Variants in GNAS observed in about 807,000 individuals in gnomAD.
GNAS encodes protein ALEX.
Under a neutral mutation model 54.5 loss-of-function variants are expected in GNAS, and 8 were observed. That is an observed-to-expected ratio of 0.15 (90% CI 0.09 to 0.26). The LOEUF (loss-of-function observed/expected upper bound fraction) is 0.26, where lower values mean the gene tolerates loss of function less well. GNAS is among the 10% of genes least tolerant of loss of function. GNAS has a pLI of 1.00. For synonymous variants in GNAS, 204 were observed against 191.4 expected (o/e 1.07, Z -0.54); for missense variants, 170 against 529.8 (o/e 0.32, Z 6.67).
intron 1 of GNAS, among the ~76,000 whole-genome samples, chr20:58,879,917 G>A (rs1429396503): frequency 1.3e-5 from 2 of 152,150 alleles, no homozygotes; most frequent in Non-Finnish European, 2.9e-5. Flanking sequence ...AAATAAGGTT[G>A]AGAAGCATTT....
chr20:58,878,058 G>T (rs1282199982), intron 1 of GNAS, among the ~76,000 whole-genome samples: 1 of 152,192 alleles, frequency 6.6e-6, no homozygotes, highest in African/African-American at 2.4e-5. Context: ...CTCCCTCCTT[G>T]GTTTTAGGGC....
At chr20:58,860,671 G>A (rs2086735946) in intron 1 of GNAS, among the ~76,000 whole-genome samples, 2 of 152,134 alleles carry the variant, frequency 1.3e-5, no homozygotes, top group African/African-American at 4.8e-5. Flanking sequence ...TGTTGTTGTT[G>A]TTGTTTTTAA....
In GNAS at chr20:58,909,645, T is replaced by C. The variant is rs1384349958; in HGVS notation, c.719-39T>C. ...GCTTCTGTGTTGTTAGGGATCAGGG[T>C]CGCTGCTCACGCTCTTGGCTTTGCT... On this transcript the variant is annotated intron_variant, in intron 9 of 12. Coordinates refer to ENST00000371085, the MANE Select transcript of GNAS (RefSeq NM_000516.7). This position sits in a 1 kb window ranked among gnomAD's most constrained non-coding sequence, Gnocchi z 7.3. The C allele has an allele frequency of 6.2e-7, 1 of 1,613,946 alleles. No homozygotes were observed. The highest frequency in any genetic ancestry group is 1.3e-5 in the African/African-American group (1 of 74,864).
intron 3 of GNAS, among the ~76,000 whole-genome samples, chr20:58,900,768 G>A (rs999600664): frequency 1.3e-5 from 2 of 152,130 alleles, no homozygotes; most frequent in Admixed American, 1.3e-4. Flanking sequence ...TAAAAGTGAT[G>A]ATAAACCCGC....
chr20:58,855,926 G>T, intron 1 of GNAS: 1 of 411,658 alleles, frequency 2.4e-6, no homozygotes, highest in Non-Finnish European at 4.3e-6. Context: ...TGTGGTTTGC[G>T]CCATGGCCCG....
intron 1 of GNAS, among the ~76,000 whole-genome samples, chr20:58,880,452 A>G (rs974859455): frequency 1.3e-5 from 2 of 152,206 alleles, no homozygotes; most frequent in South Asian, 2.1e-4. Context: ...AGGAAACAAA[A>G]GGTCAAGAAT....
chr20:58,888,694 C>T (rs533875319), upstream of GNAS: 3 of 152,258 alleles, frequency 2.0e-5, no homozygotes, highest in East Asian at 5.8e-4. Context: ...TTTGCACTCC[C>T]ATCGCACTTT....
intron 5 of GNAS, 83 bp downstream of exon 5, chr20:58,903,874 C>G: frequency 6.9e-7 from 1 of 1,450,742 alleles, no homozygotes; most frequent in East Asian, 2.3e-5. Flanking sequence ...GACAGCCCTG[C>G]ACATGGGCAG....
intron 1 of GNAS, among the ~76,000 whole-genome samples, chr20:58,878,912 T>TGGGGGGG (rs11086659): frequency 7.3e-5 from 7 of 95,254 alleles, no homozygotes; most frequent in Admixed American, 1.1e-4. Flanking sequence ...GGGGTGCGGG[T>TGGGGGGG]GGGGGGGGGA....
intron 1 of GNAS, chr20:58,876,509 T>C (rs1357101683): frequency 6.6e-6 from 1 of 152,122 alleles, no homozygotes; most frequent in Non-Finnish European, 1.5e-5. Flanking sequence ...GACCCCTACA[T>C]GATGCGGTGT....
chr20:58,850,903 A>G (rs570098056), intron 1 of GNAS: 204 of 398,526 alleles, frequency 5.1e-4, no homozygotes, highest in Non-Finnish European at 8.0e-4. Flanking sequence ...GGCGCCCCCT[A>G]TTGGACCTCC....
intron 1 of GNAS, among the ~76,000 whole-genome samples, chr20:58,874,754 G>GC (rs1378681424): frequency 6.6e-6 from 1 of 152,052 alleles, no homozygotes; most frequent in African/African-American, 2.4e-5. Flanking sequence ...TTCCTGGCCT[G>GC]CCCTCTATCT....
At chr20:58,890,151 G>A (rs1043981796), upstream of GNAS, among the ~76,000 whole-genome samples, 1 of 151,866 alleles carries the variant, frequency 6.6e-6, no homozygotes, top group Non-Finnish European at 1.5e-5. Context: ...GAGGCGAAAG[G>A]AGGAGAAGAA....
chr20:58,898,932 C>T lies in GNAS; in HGVS notation c.213-9C>T. 6.2e-7 allele frequency: 1 copy of T among 1,612,958 alleles called. No homozygotes were observed. Reference sequence around the variant, plus strand: ...CAGATTAGGTGAGCTTTCAATCTCTCTTTAAAAGGGGCGGCGAAGAGGACC... The same window carrying T: ...CAGATTAGGTGAGCTTTCAATCTCTTTTTAAAAGGGGCGGCGAAGAGGACC... On this transcript the variant is annotated splice_polypyrimidine_tract_variant and intron_variant, in intron 2 of 12. Transcript: ENST00000371085.
At chr20:58,903,483 A>G (rs1392016904) in intron 3 of GNAS, 48 bp from the exon 4 acceptor site, 1 of 1,471,988 alleles carries the variant, frequency 6.8e-7, no homozygotes, top group South Asian at 1.1e-5. Flanking sequence ...AGTACTCCTA[A>G]CTGACATGGT....
chr20:58,866,669 T>C (rs1159594989), intron 1 of GNAS, among the ~76,000 whole-genome samples: 2 of 152,102 alleles, frequency 1.3e-5, no homozygotes, highest in East Asian at 3.8e-4. Context: ...AGTTTTCAGA[T>C]TGTAACATCT....
Position 58,855,158 on chromosome 20 carries a change from G to A in GNAS, c.43+14272G>A, listed in dbSNP as rs760681293. 6.2e-6 allele frequency: 10 copies of A among 1,612,244 alleles called. No individual in the cohort carries two copies. The African/African-American group carries it at 6.7e-5, about 11-fold the overall frequency. On this transcript the variant is annotated intron_variant, in intron 1 of 12. Transcript: ENST00000306090. ...CTGAGAGTCCCCAGCCCAAAGCCTC[G>A]CGCTCTCTCAAGGTCAAGAAGGTAC...
chr20:58,855,466 T>A, intron 1 of GNAS: 1 of 868,532 alleles, frequency 1.2e-6, no homozygotes, highest in Non-Finnish European at 1.9e-6. Flanking sequence ...AAGAACTTGC[T>A]AGAAAGTTCC....
chr20:58,893,906 C>T (rs896352467), intron 1 of GNAS, among the ~76,000 whole-genome samples: 1 of 152,222 alleles, frequency 6.6e-6, no homozygotes, highest in African/African-American at 2.4e-5. Context: ...ACTCAGAACA[C>T]GCCTTGCGTC....
Sources: gnomAD v4.1 joint callset for allele counts (sites outside exome capture counted in the v4.1 genomes callset) on GRCh38, gnomAD v4.1.1 for gene constraint, Gnocchi (gnomAD v3.1) non-coding constraint, MANE v1.5 for transcripts, NCBI Gene and HGNC (gene_info 2026-07-23, HGNC 2026-07-21) for gene names.